The following CFAP20DC variants were observed in gnomAD, a reference collection of about 807,000 sequenced individuals.
The protein encoded by CFAP20DC is CFAP20 domain containing.
In CFAP20DC, 84 loss-of-function variants were observed where a neutral mutation model predicts 101.7. That is an observed-to-expected ratio of 0.83 (90% CI 0.69 to 0.99). The LOEUF (loss-of-function observed/expected upper bound fraction) is 0.99, where lower values mean the gene tolerates loss of function less well. CFAP20DC is among the 50% of genes least tolerant of loss of function. The probability of loss-of-function intolerance (pLI) is 0.00; values close to 1 mark genes in which losing one functional copy is unlikely to be tolerated. For synonymous variants in CFAP20DC, 359 were observed against 351.2 expected (o/e 1.02, Z -0.25); for missense variants, 1,007 against 970.3 (o/e 1.04, Z -0.50).
At chr3:58,929,521 A>G (rs1395831817) in intron 5 of CFAP20DC, among the ~76,000 whole-genome samples, 1 of 152,222 alleles carries the variant, frequency 6.6e-6, no homozygotes, top group African/African-American at 2.4e-5. Flanking sequence ...ATTTCCCTAA[A>G]TGTCTTAAAT....
In CFAP20DC at chr3:58,722,056, G is replaced by A. The variant is rs1407871858; in HGVS notation, c.198-4428C>T. Among the ~76,000 whole-genome samples the A allele has an allele frequency of 6.6e-6, 1 of 152,198 alleles. No homozygotes were observed. Among genetic ancestry groups the A allele is most frequent in the Non-Finnish European group, 1.5e-5 (1 of 68,034 alleles). ...TGTTTTCTTTTTACCTAGCTCACTT[G>A]GAACATTTGCTTTCTGGATGCTCCT... On this transcript the variant is annotated intron_variant, in intron 3 of 3. Coordinates refer to the CFAP20DC transcript ENST00000486145. This position sits in a 1 kb window ranked among gnomAD's most constrained non-coding sequence, Gnocchi z 4.5.
intron 15 of CFAP20DC, among the ~76,000 whole-genome samples, chr3:58,783,890 G>A (rs2072072689): frequency 6.6e-6 from 1 of 152,122 alleles, no homozygotes. Flanking sequence ...GGATACATGT[G>A]CAGATTTGTT....
rs908405206 is a variant in CFAP20DC at position 58,971,737 on chromosome 3, T to C, written c.279-33975A>G. Among the ~76,000 whole-genome samples the C allele has an allele frequency of 1.3e-5, 2 of 152,094 alleles. No individual in the cohort carries two copies. The highest frequency in any genetic ancestry group is 4.8e-5 in the African/African-American group (2 of 41,438). ...AAAGAGTGAGACAGATTTAGTAGTA[T>C]GGAAATCGTCTCAAGGCAGGTAACA... On this transcript the variant is annotated intron_variant, in intron 4 of 16. Coordinates refer to ENST00000482387, the MANE Select transcript of CFAP20DC (RefSeq NM_001394063.1). The surrounding 1 kb of genome is among the most constrained non-coding windows in gnomAD (Gnocchi z 4.1).
At position 58,897,389 on chromosome 3, in the gene CFAP20DC, T is replaced by C. The variant is rs1240176124; in HGVS notation, c.551-12680A>G. ...TACATCTAAGGTTAGTATTGTTACGTGGGAATTTGATCCTGTCAACATGAT... is the reference window on the plus strand; with the variant it reads ...TACATCTAAGGTTAGTATTGTTACGCGGGAATTTGATCCTGTCAACATGAT... On this transcript the variant is annotated intron_variant, in intron 6 of 16. Transcript: ENST00000482387. This position sits in a 1 kb window ranked among gnomAD's most constrained non-coding sequence, Gnocchi z 4.4. 6.6e-6 allele frequency among the ~76,000 whole-genome samples: 1 copy of C among 152,212 alleles called. No homozygotes were observed. Among genetic ancestry groups the C allele is most frequent in the African/African-American group, 2.4e-5 (1 of 41,448 alleles).
chr3:58,831,842 C>G lies in CFAP20DC; in HGVS notation c.2019G>C (p.Glu673Asp), dbSNP rs1456528986. 1.2e-6 allele frequency: 2 copies of G among 1,613,980 alleles called. No homozygotes were observed. Among genetic ancestry groups the G allele is most frequent in the African/African-American group, 2.7e-5 (2 of 74,910 alleles). Residue 673 changes from glutamate to aspartate, a missense_variant, in exon 14 of 17, where the codon GAG (glutamate) becomes GAC (aspartate). Transcript: ENST00000482387. ...NYQPSQMSES[E>D]LQMLASLRWQ... is the part of the protein sequence containing the mutation. ...ACCGTAGGCTTGCTAGCATCTGTAA[C>G]TCGGATTCACTCATCTGGCTTGGCT...
chr3:58,751,140 T>C (rs975349145), intron 16 of CFAP20DC, among the ~76,000 whole-genome samples: 3 of 152,206 alleles, frequency 2.0e-5, no homozygotes, highest in African/African-American at 7.2e-5. Flanking sequence ...ATCTAATATA[T>C]GCTGGAATTT....
chr3:58,743,209 A>G (rs1328743406), intron 16 of CFAP20DC, among the ~76,000 whole-genome samples: 2 of 151,818 alleles, frequency 1.3e-5, no homozygotes, highest in South Asian at 2.1e-4. Context: ...TGGATTGGAC[A>G]GAGAGGACAA....
chr3:58,775,171 A>G (rs1248797844), intron 15 of CFAP20DC, among the ~76,000 whole-genome samples: 1 of 152,208 alleles, frequency 6.6e-6, no homozygotes, highest in Non-Finnish European at 1.5e-5. Flanking sequence ...TGAGTAAGAC[A>G]TACGTTGGTT....
At chr3:58,934,531 C>G (rs1015459149) in intron 5 of CFAP20DC, among the ~76,000 whole-genome samples, 1 of 152,184 alleles carries the variant, frequency 6.6e-6, no homozygotes, top group Non-Finnish European at 1.5e-5. Flanking sequence ...CAATAAAATA[C>G]TGGCAAACCG....
rs1270454891 is a variant in CFAP20DC at position 58,788,802 on chromosome 3, C to T, written c.2237+17593G>A. Reference sequence around the variant, plus strand: ...CATCTGGAATATGGGAATAAGAGAACTGACCCTACTGGGTTGTAGCAGGGA... The same window carrying T: ...CATCTGGAATATGGGAATAAGAGAATTGACCCTACTGGGTTGTAGCAGGGA... On this transcript the variant is annotated intron_variant, in intron 15 of 16. Transcript: ENST00000482387. The surrounding 1 kb of genome is among the most constrained non-coding windows in gnomAD (Gnocchi z 4.2). Among the ~76,000 whole-genome samples the T allele has an allele frequency of 6.6e-6, 1 of 152,114 alleles. No individual in the cohort carries two copies. The highest frequency in any genetic ancestry group is 2.4e-5 in the African/African-American group (1 of 41,448).
At chr3:58,921,179 T>C (rs2085327271) in intron 5 of CFAP20DC, among the ~76,000 whole-genome samples, 1 of 152,134 alleles carries the variant, frequency 6.6e-6, no homozygotes, top group Non-Finnish European at 1.5e-5. Context: ...TTATCACTTT[T>C]ATTAATCATT....
chr3:58,860,175 C>A (rs1381678244), intron 12 of CFAP20DC, among the ~76,000 whole-genome samples: 34 of 78,152 alleles, frequency 4.4e-4, no homozygotes, highest in African/African-American at 7.9e-4. Flanking sequence ...AACTCCATCT[C>A]AAAAAAAAAA....
intron 15 of CFAP20DC, among the ~76,000 whole-genome samples, chr3:58,759,935 T>A (rs2069377846): frequency 6.6e-6 from 1 of 152,216 alleles, no homozygotes; most frequent in Admixed American, 6.5e-5. Context: ...TTGGTTACTG[T>A]AGCCTTGTAG....
chr3:59,035,084 G>A (rs775533852), intron 4 of CFAP20DC, among the ~76,000 whole-genome samples: 1 of 152,158 alleles, frequency 6.6e-6, no homozygotes, highest in African/African-American at 2.4e-5. Flanking sequence ...ACCTGCTCTT[G>A]AATGACTACT....
At chr3:58,810,997 G>A (rs2074575855) in intron 14 of CFAP20DC, among the ~76,000 whole-genome samples, 1 of 152,056 alleles carries the variant, frequency 6.6e-6, no homozygotes, top group Non-Finnish European at 1.5e-5. Flanking sequence ...CAACTTACAA[G>A]GGATGTGAAG....
intron 6 of CFAP20DC, among the ~76,000 whole-genome samples, chr3:58,890,727 C>T (rs1420614503): frequency 1.3e-3 from 189 of 148,216 alleles, no homozygotes; most frequent in African/African-American, 4.6e-3. Flanking sequence ...CGGGCAGAGA[C>T]GCTCCTCACC....
At chr3:58,883,891 CA>C (rs1465912963) in intron 7 of CFAP20DC, among the ~76,000 whole-genome samples, 3 of 152,148 alleles carry the variant, frequency 2.0e-5, no homozygotes, top group Non-Finnish European at 4.4e-5. Context: ...TAAATTTCTT[CA>C]TTTGTAAGTA....
chr3:58,846,833 C>T (rs1156263973), intron 13 of CFAP20DC, among the ~76,000 whole-genome samples: 1 of 148,082 alleles, frequency 6.8e-6, no homozygotes, highest in African/African-American at 2.5e-5. Context: ...ATCAATGGAA[C>T]AGAACAGAGC....
chr3:58,861,580 T>G lies in CFAP20DC; in HGVS notation c.1593+1978A>C. 1 of 985,144 alleles carries G rather than the reference T, an allele frequency of 1.0e-6. No homozygotes were observed. The highest frequency in any genetic ancestry group is 1.7e-5 in the African/African-American group (1 of 57,378). The allele number at this position is 985,144 out of a possible 1,614,324, so 61.0% of individuals were successfully genotyped here. On this transcript the variant is annotated intron_variant, in intron 12 of 16. Coordinates refer to ENST00000482387, the MANE Select transcript of CFAP20DC (RefSeq NM_001394063.1). The surrounding 1 kb of genome is among the most constrained non-coding windows in gnomAD (Gnocchi z 4.0). ...TTTGTTAAGAAGGTATCATTACACA[T>G]GCTAAAACTTGTTTAAATATAGCCT...
Sources: gnomAD v4.1 joint callset for allele counts (sites outside exome capture counted in the v4.1 genomes callset) on GRCh38, gnomAD v4.1.1 for gene constraint, Gnocchi (gnomAD v3.1) non-coding constraint, MANE v1.5 for transcripts, NCBI Gene and HGNC (gene_info 2026-07-23, HGNC 2026-07-21) for gene names.